MTUS2: variants seen among roughly 807,000 people sequenced by gnomAD.
MTUS2 encodes the protein microtubule-associated tumor suppressor candidate 2.
A neutral mutation model predicts 114.1 loss-of-function variants in MTUS2; 40 were observed. The observed-to-expected ratio is 0.35, with a 90% CI of 0.27 to 0.46. MTUS2 has a LOEUF of 0.46. MTUS2 is among the 20% of genes least tolerant of loss of function. The probability of loss-of-function intolerance (pLI) is 1.00; values close to 1 mark genes in which losing one functional copy is unlikely to be tolerated. For synonymous variants in MTUS2, 688 were observed against 672.0 expected (o/e 1.02, Z -0.37); for missense variants, 1,679 against 1,705.4 (o/e 0.98, Z 0.27).
At chr13:29,074,094 C>T (rs543970154) in intron 4 of MTUS2, among the ~76,000 whole-genome samples, 14 of 152,230 alleles carry the variant, frequency 9.2e-5, no homozygotes, top group Admixed American at 2.0e-4. Context: ...CCATCTTCCA[C>T]ATAGCAAATC....
chr13:29,428,894 A>C (rs368860682), intron 8 of MTUS2: 15 of 1,613,852 alleles, frequency 9.3e-6, no homozygotes, highest in Non-Finnish European at 1.3e-5. Flanking sequence ...CCTGGACAAG[A>C]CGGTACTTTG....
chr13:28,955,170 G>A (rs1027687491), intron 2 of MTUS2, among the ~76,000 whole-genome samples: 1 of 152,134 alleles, frequency 6.6e-6, no homozygotes, highest in Non-Finnish European at 1.5e-5. Flanking sequence ...TTACCCACAT[G>A]TTACATCTGC....
At chr13:29,389,768 TATAC>T (rs1195795297) in intron 8 of MTUS2, among the ~76,000 whole-genome samples, 1 of 108,112 alleles carries the variant, frequency 9.2e-6, no homozygotes, top group African/African-American at 3.6e-5. Flanking sequence ...TGTATATGTA[TATAC>T]ATACATATGT....
chr13:29,427,780 T>C (rs1301313155), intron 8 of MTUS2, among the ~76,000 whole-genome samples: 1 of 152,224 alleles, frequency 6.6e-6, no homozygotes, highest in African/African-American at 2.4e-5. Flanking sequence ...AAAACTGTAA[T>C]TGTGTATTTC....
chr13:29,267,590 T>A (rs1897713900), intron 5 of MTUS2, among the ~76,000 whole-genome samples: 1 of 152,206 alleles, frequency 6.6e-6, no homozygotes, highest in Non-Finnish European at 1.5e-5. Context: ...ATGTAGAGTT[T>A]GAAAGTTCAC....
chr13:28,845,937 G>A (rs1040964865), intron 2 of MTUS2, among the ~76,000 whole-genome samples: 2 of 151,604 alleles, frequency 1.3e-5, no homozygotes, highest in African/African-American at 4.8e-5. Flanking sequence ...AGTAAATGTT[G>A]CTTCTCACTT....
rs1232008069 is a variant in MTUS2 at position 29,503,261 on chromosome 13, G to A, written c.*55G>A. On this transcript the variant is annotated 3_prime_UTR_variant, in exon 16 of 16. Transcript: ENST00000612955. Reference sequence around the variant, plus strand: ...CTTCTCGTCCTCCGGTCTCCACCCTGAGGGAGCACCGACCCGGTGCCGCCG... The same window carrying A: ...CTTCTCGTCCTCCGGTCTCCACCCTAAGGGAGCACCGACCCGGTGCCGCCG... The A allele has an allele frequency of 1.2e-5, 19 of 1,594,654 alleles. No individual in the cohort carries two copies. Among genetic ancestry groups the A allele is most frequent in the Non-Finnish European group, 1.6e-5 (19 of 1,169,712 alleles).
intron 8 of MTUS2, among the ~76,000 whole-genome samples, chr13:29,379,611 C>G (rs991618271): frequency 6.6e-6 from 1 of 151,966 alleles, no homozygotes; most frequent in Non-Finnish European, 1.5e-5. Context: ...TGGAAAGAGT[C>G]CCCTAATACC....
At position 29,504,040 on chromosome 13, in the gene MTUS2, C is replaced by T. The variant is rs1209838980; in HGVS notation, c.*834C>T. Reference sequence around the variant, plus strand: ...TGTAAACACAAGTTTTGCTTTTTTCCTAAATGGCATCTCAGACTCGGTCAT... The same window carrying T: ...TGTAAACACAAGTTTTGCTTTTTTCTTAAATGGCATCTCAGACTCGGTCAT... On this transcript the variant is annotated 3_prime_UTR_variant, in exon 16 of 16. Coordinates refer to ENST00000612955, the MANE Select transcript of MTUS2 (RefSeq NM_001033602.4). 1 of 231,848 alleles carries T rather than the reference C, an allele frequency of 4.3e-6. No individual in the cohort carries two copies. The highest frequency in any genetic ancestry group is 8.5e-6 in the Non-Finnish European group (1 of 117,160). 14.4% of individuals were successfully genotyped at this position (231,848 alleles called of 1,614,324 possible).
chr13:28,963,596 T>C (rs1883438257), intron 2 of MTUS2, among the ~76,000 whole-genome samples: 1 of 152,186 alleles, frequency 6.6e-6, no homozygotes, highest in Admixed American at 6.5e-5. Context: ...ATATCCTTTC[T>C]TTAAAAACAA....
chr13:29,225,526 A>T (rs1896073800), intron 5 of MTUS2, among the ~76,000 whole-genome samples: 1 of 152,216 alleles, frequency 6.6e-6, no homozygotes, highest in African/African-American at 2.4e-5. Flanking sequence ...ATCATGATCC[A>T]CCAGCTGAAA....
intron 8 of MTUS2, among the ~76,000 whole-genome samples, chr13:29,417,613 G>A (rs946526188): frequency 1.3e-5 from 2 of 151,778 alleles, no homozygotes; most frequent in Non-Finnish European, 2.9e-5. Flanking sequence ...CTTCATTTTT[G>A]AGATAACTTT....
rs145202945 is a variant in MTUS2, at chr13:29,498,546, G to T, written c.3798+9G>T. On this transcript the variant is annotated intron_variant, in intron 14 of 15. Coordinates refer to ENST00000612955, the MANE Select transcript of MTUS2 (RefSeq NM_001033602.4). ...TTGAGCTGGAAAAGCTGGTGAGTTG[G>T]TCTGTTTGCTCGGGAGAGTAACCTC... 67 of 1,613,968 alleles carry T rather than the reference G, an allele frequency of 4.2e-5. No individual in the cohort carries two copies. In the East Asian group the frequency reaches 1.3e-3, roughly 32 times the overall value.
chr13:29,444,101 C>A (rs1362391981), intron 9 of MTUS2, among the ~76,000 whole-genome samples: 1 of 152,154 alleles, frequency 6.6e-6, no homozygotes, highest in Non-Finnish European at 1.5e-5. Flanking sequence ...ATTGTCCCAA[C>A]TTCTGAGGTG....
intron 1 of MTUS2, among the ~76,000 whole-genome samples, chr13:28,833,510 C>G (rs1278505815): frequency 6.6e-6 from 1 of 152,026 alleles, no homozygotes; most frequent in Non-Finnish European, 1.5e-5. Flanking sequence ...TTGACAAATT[C>G]AAACAGCACT....
chr13:28,830,869 T>C (rs1874622785), intron 1 of MTUS2, among the ~76,000 whole-genome samples: 1 of 152,146 alleles, frequency 6.6e-6, no homozygotes, highest in Non-Finnish European at 1.5e-5. Context: ...GAATGATGTA[T>C]TGAAAATGCT....
Position 29,481,294 on chromosome 13 carries a change from C to T in MTUS2, c.3399+930C>T, listed in dbSNP as rs1468112381. Among the ~76,000 whole-genome samples the T allele has an allele frequency of 1.2e-4, 19 of 152,202 alleles. 1 individual carries two copies. Among genetic ancestry groups the T allele is most frequent in the South Asian group, 8.3e-4 (4 of 4,830 alleles). On this transcript the variant is annotated intron_variant, in intron 10 of 15. Coordinates refer to ENST00000612955, the MANE Select transcript of MTUS2 (RefSeq NM_001033602.4). ...AAGGAGGCAGGTGCTGCCACCCCCA[C>T]GGCAGCTATCTTGTCCATGACTGCC...
intron 4 of MTUS2, among the ~76,000 whole-genome samples, chr13:29,055,585 C>G (rs1888096511): frequency 6.6e-6 from 1 of 152,074 alleles, no homozygotes. Context: ...TACTCAATAT[C>G]TAGCTTTCCC....
intron 8 of MTUS2, among the ~76,000 whole-genome samples, chr13:29,386,043 A>AAATG (rs764737690): frequency 4.6e-5 from 7 of 152,226 alleles, no homozygotes; most frequent in African/African-American, 1.2e-4. Flanking sequence ...TGCTCTGAAT[A>AAATG]AATGAATGAA....
Sources: gnomAD v4.1 joint callset for allele counts (sites outside exome capture counted in the v4.1 genomes callset) on GRCh38, gnomAD v4.1.1 for gene constraint, MANE v1.5 for transcripts, NCBI Gene and HGNC (gene_info 2026-07-23, HGNC 2026-07-21) for gene names.